The following PIBF1 variants were observed in gnomAD, a reference collection of about 807,000 sequenced individuals.
PIBF1 encodes the protein progesterone immunomodulatory binding factor 1, also known as progesterone-induced-blocking factor 1.
Under a neutral mutation model 112.5 loss-of-function variants are expected in PIBF1, and 90 were observed. The observed-to-expected ratio is 0.80, with a 90% confidence interval of 0.67 to 0.95. The LOEUF (loss-of-function observed/expected upper bound fraction) is 0.95, where lower values mean the gene tolerates loss of function less well. PIBF1 is among the 40% of genes least tolerant of loss of function. The pLI, the probability that PIBF1 is intolerant of heterozygous loss-of-function variation, is 0.00. For synonymous variants in PIBF1, 301 were observed against 288.6 expected (o/e 1.04, Z -0.44); for missense variants, 915 against 852.3 (o/e 1.07, Z -0.92).
Position 72,813,463 on chromosome 13 carries a change from G to A in PIBF1, c.673-8386G>A, listed in dbSNP as rs185969760. Among the ~76,000 whole-genome samples, 139 of 152,282 alleles carry A rather than the reference G, an allele frequency of 9.1e-4. 1 individual carries two copies. The South Asian group carries it at 0.018, about 20-fold the overall frequency. ...TCACAATAATTTATTATTTGTCACA[G>A]CTCTGAAGGTTGATAGGTTCAGCTG... On this transcript the variant is annotated intron_variant, in intron 5 of 17. Transcript: ENST00000326291.
chr13:72,990,055 A>T (rs1207744159), intron 16 of PIBF1, among the ~76,000 whole-genome samples: 1 of 151,640 alleles, frequency 6.6e-6, no homozygotes, highest in Non-Finnish European at 1.5e-5. Flanking sequence ...GTACACTAAA[A>T]ATATAAAAAT....
intron 5 of PIBF1, among the ~76,000 whole-genome samples, chr13:72,819,983 T>A (rs1428240253): frequency 2.6e-5 from 4 of 152,142 alleles, no homozygotes; most frequent in Non-Finnish European, 2.9e-5. Context: ...TTCCTTGTAT[T>A]TATGTTCCTC....
intron 3 of PIBF1, 42 bp downstream of exon 3, chr13:72,792,589 G>T: frequency 9.9e-7 from 1 of 1,015,220 alleles, no homozygotes. Context: ...CATCTATTTA[G>T]CAATTAAAAG....
At position 72,827,794 on chromosome 13, in the gene PIBF1, A is replaced by G; in HGVS notation, c.977A>G (p.Gln326Arg). 1 of 1,603,520 alleles carries G rather than the reference A, an allele frequency of 6.2e-7. No homozygotes were observed. The highest frequency in any genetic ancestry group is 1.1e-5 in the South Asian group (1 of 88,192). Reference sequence around the variant, plus strand: ...AAGGATAAAGAATATCTTAATCGCCAAAACATGGAGCTTAGTGTTCGCTGT... The same window carrying G: ...AAGGATAAAGAATATCTTAATCGCCGAAACATGGAGCTTAGTGTTCGCTGT... Reference protein sequence around the residue: ...LQKDKEYLNRQNMELSVRCAH... With the variant: ...LQKDKEYLNRRNMELSVRCAH... Residue 326 changes from glutamine to arginine, a missense_variant, in exon 8 of 18, where the codon CAA (glutamine) becomes CGA (arginine). Coordinates refer to ENST00000326291, the MANE Select transcript of PIBF1 (RefSeq NM_006346.4).
At chr13:72,907,510 CTA>C (rs1274093579) in intron 11 of PIBF1, among the ~76,000 whole-genome samples, 2 of 152,026 alleles carry the variant, frequency 1.3e-5, no homozygotes, top group Non-Finnish European at 2.9e-5. Context: ...CTTTTCAACA[CTA>C]TGTTCTAGGT....
At chr13:72,783,349 C>T in intron 1 of PIBF1, 74 bp from the exon 2 acceptor site, 1 of 681,136 alleles carries the variant, frequency 1.5e-6, no homozygotes, top group Non-Finnish European at 2.5e-6. Flanking sequence ...AATCCTTAGT[C>T]TCTCTTTAAT....
chr13:72,793,444 A>T (rs1159770585), intron 3 of PIBF1, among the ~76,000 whole-genome samples: 1 of 152,144 alleles, frequency 6.6e-6, no homozygotes, highest in East Asian at 1.9e-4. Context: ...AGCCTACTGG[A>T]TCCCACCCTC....
rs567918962 is a variant in PIBF1 at position 72,964,440 on chromosome 13, A to G, written c.1834-834A>G. On this transcript the variant is annotated intron_variant, in intron 14 of 17. Transcript: ENST00000326291. ...CTATTCAACATTATGAATGTACTTA[A>G]TGCCACTGAATTGTACACTTTTCAC... 1.2e-3 allele frequency among the ~76,000 whole-genome samples: 189 copies of G among 152,340 alleles called. 1 individual carries two copies. Among genetic ancestry groups the G allele is most frequent in the Admixed American group, 3.9e-3 (60 of 15,302 alleles).
intron 14 of PIBF1, among the ~76,000 whole-genome samples, chr13:72,937,382 G>A (rs2041898275): frequency 6.6e-6 from 1 of 152,162 alleles, no homozygotes; most frequent in Non-Finnish European, 1.5e-5. Flanking sequence ...GTAGCTCCAA[G>A]TGATATTTAG....
At chr13:72,913,097 T>C (rs189322718) in intron 12 of PIBF1, among the ~76,000 whole-genome samples, 1 of 151,724 alleles carries the variant, frequency 6.6e-6, no homozygotes, top group Non-Finnish European at 1.5e-5. Context: ...AAATCAGAAC[T>C]GTAGTTGTCT....
At position 72,835,303 on chromosome 13, in the gene PIBF1, G is replaced by C. The variant is rs768587897; in HGVS notation, c.1158G>C (p.Leu386Phe). 3 of 1,597,238 alleles carry C rather than the reference G, an allele frequency of 1.9e-6. No individual in the cohort carries two copies. The highest frequency in any genetic ancestry group is 8.5e-7 in the Non-Finnish European group (1 of 1,172,708). Residue 386 changes from leucine to phenylalanine, a missense_variant, in exon 9 of 18, where the codon TTG becomes TTC. Transcript: ENST00000326291. ...ATGATGAACTAGAACAAATCAGATT[G>C]AAAACCAACCAAGAAATTGATCAAC... ...KLHDELEQIRLKTNQEIDQLR... is the reference protein window; with the variant it reads ...KLHDELEQIRFKTNQEIDQLR...
At chr13:72,815,647 G>A (rs1484043118) in intron 5 of PIBF1, among the ~76,000 whole-genome samples, 3 of 152,132 alleles carry the variant, frequency 2.0e-5, no homozygotes, top group African/African-American at 7.2e-5. Flanking sequence ...TCCATCACCT[G>A]TGTTAATACT....
intron 16 of PIBF1, among the ~76,000 whole-genome samples, chr13:72,997,344 A>G (rs1204844895): frequency 1.3e-5 from 2 of 152,254 alleles, no homozygotes; most frequent in Non-Finnish European, 2.9e-5. Context: ...AGTGGAGCAT[A>G]TAAATGAAAC....
At position 72,782,875 on chromosome 13, in the gene PIBF1, C is replaced by CGTGTGT. The variant is rs34618038; in HGVS notation, c.-47-521_-47-516dup. Among the ~76,000 whole-genome samples, 736 of 147,458 alleles carry CGTGTGT rather than the reference C, an allele frequency of 5.0e-3. 7 individuals are homozygous for CGTGTGT. The highest frequency in any genetic ancestry group is 0.016 in the African/African-American group (653 of 39,950). On this transcript the variant is annotated intron_variant, in intron 1 of 17. Transcript: ENST00000326291. ...GCCTTCCAGTCTTGATCGTTAAGGG[C>CGTGTGT]GTGTGTGTGTGTGTGTGTGTGTGTG...
intron 9 of PIBF1, among the ~76,000 whole-genome samples, chr13:72,844,791 A>ACACACACACACGCG (rs1566348767): frequency 1.5e-5 from 2 of 131,128 alleles, no homozygotes; most frequent in African/African-American, 5.8e-5. Context: ...ACACACACAC[A>ACACACACACACGCG]CACACACACG....
chr13:72,787,818 C>A (rs898667651), intron 2 of PIBF1, among the ~76,000 whole-genome samples: 4 of 152,056 alleles, frequency 2.6e-5, no homozygotes, highest in Non-Finnish European at 5.9e-5. Context: ...GCCACAACGC[C>A]CAGCTAAGTT....
At chr13:72,960,612 C>G (rs1375459641) in intron 14 of PIBF1, among the ~76,000 whole-genome samples, 1 of 152,106 alleles carries the variant, frequency 6.6e-6, no homozygotes, top group Non-Finnish European at 1.5e-5. Context: ...CATAAATGTT[C>G]TTAGTTATTC....
chr13:72,881,896 C>G (rs2039654283), intron 10 of PIBF1, among the ~76,000 whole-genome samples: 1 of 151,850 alleles, frequency 6.6e-6, no homozygotes, highest in African/African-American at 2.4e-5. Flanking sequence ...TGCAATCCCT[C>G]TTAGTATACC....
chr13:72,847,243 T>C (rs1473954015), intron 9 of PIBF1, among the ~76,000 whole-genome samples: 1 of 152,244 alleles, frequency 6.6e-6, no homozygotes, highest in Non-Finnish European at 1.5e-5. Context: ...AGTTTTCATA[T>C]CTAGAAACAA....
Sources: gnomAD v4.1 joint callset for allele counts (sites outside exome capture counted in the v4.1 genomes callset) on GRCh38, gnomAD v4.1.1 for gene constraint, MANE v1.5 for transcripts, NCBI Gene and HGNC (gene_info 2026-07-23, HGNC 2026-07-21) for gene names.